Variants in DEDD2 observed in about 807,000 individuals in gnomAD.
The protein encoded by DEDD2 is DNA-binding death effector domain-containing protein 2.
In DEDD2, 18 loss-of-function variants were observed where a neutral mutation model predicts 28.9. The observed-to-expected ratio is 0.62, with a 90% CI of 0.43 to 0.92. DEDD2 has a LOEUF of 0.92. DEDD2 is among the 40% of genes least tolerant of loss of function. The pLI, the probability that DEDD2 is intolerant of heterozygous loss-of-function variation, is 0.00. For synonymous variants in DEDD2, 211 were observed against 206.1 expected (o/e 1.02, Z -0.20); for missense variants, 411 against 463.3 (o/e 0.89, Z 1.04).
rs1327096926 is a variant in DEDD2 at position 42,216,851 on chromosome 19, G to A, written c.157C>T (p.Pro53Ser). 11 of 1,591,472 alleles carry A rather than the reference G, an allele frequency of 6.9e-6. No homozygotes were observed. The highest frequency in any genetic ancestry group is 7.7e-6 in the Non-Finnish European group (9 of 1,169,498). ...ELLAFLLDEA[P>S]GAAGGLARAR... The stretch of plus-strand genomic sequence containing the variant: ...CGGGCTAAGCCTCCGGCGGCGCCAG[G>A]AGCCTCATCCAGCAGAAAGGCCAGG... Residue 53 changes from proline (P) to serine (S), a missense_variant, in exon 2 of 5, where the codon CCT (proline) becomes TCT (serine). Pro to Ser is a moderately conservative substitution (Grantham distance 74, BLOSUM62 -1). Around this residue, in one of 2 missense-constraint regions of DEDD2, gnomAD observed 282 missense variants for 273.4 expected, o/e 1.03. Transcript: ENST00000596251.
At chr19:42,204,714 T>C (rs2035460000) in intron 4 of DEDD2, among the ~76,000 whole-genome samples, 1 of 152,184 alleles carries the variant, frequency 6.6e-6, no homozygotes, top group South Asian at 2.1e-4. Flanking sequence ...CCGGCCTTGC[T>C]GGAGAGAGGC....
At chr19:42,212,181 C>G (rs1338372667) in intron 3 of DEDD2, among the ~76,000 whole-genome samples, 1 of 151,830 alleles carries the variant, frequency 6.6e-6, no homozygotes, top group Non-Finnish European at 1.5e-5. Context: ...GCCTGGCCAA[C>G]ATGGTGAAAC....
At chr19:42,212,461 G>A (rs1348069203) in intron 3 of DEDD2, among the ~76,000 whole-genome samples, 3 of 151,460 alleles carry the variant, frequency 2.0e-5, no homozygotes, top group Non-Finnish European at 2.9e-5. Context: ...CACCACACCC[G>A]GCTCGTTTTT....
chr19:42,216,656 T>G, intron 2 of DEDD2, 24 bp downstream of exon 2: 1 of 1,533,076 alleles, frequency 6.5e-7, no homozygotes, highest in Non-Finnish European at 8.7e-7. Context: ...CCAGGAAGTG[T>G]GACACCCTCC....
At chr19:42,211,157 C>A (rs1013463463) in intron 3 of DEDD2, among the ~76,000 whole-genome samples, 2 of 151,714 alleles carry the variant, frequency 1.3e-5, no homozygotes, top group African/African-American at 2.4e-5. Context: ...TCCCAGCCTA[C>A]GCCCTAGGAG....
chr19:42,200,133 CA>C (rs2146846541), intron 4 of DEDD2, among the ~76,000 whole-genome samples: 1 of 152,320 alleles, frequency 6.6e-6, no homozygotes, highest in East Asian at 1.9e-4. Flanking sequence ...ACCTTGCCAA[CA>C]AGGCCCACCT....
In DEDD2 at chr19:42,199,219, T is replaced by G; in HGVS notation, c.*219A>C. 1 of 691,032 alleles carries G rather than the reference T, an allele frequency of 1.4e-6. No individual in the cohort carries two copies. Among genetic ancestry groups the G allele is most frequent in the Non-Finnish European group, 2.3e-6 (1 of 433,394 alleles). The allele number at this position is 691,032 out of a possible 1,614,324, so 42.8% of individuals were successfully genotyped here. The stretch of plus-strand genomic sequence containing the variant: ...CCTCCGGAGGCTAAGGGGGCACACC[T>G]GGGGGTAGGAGGAGTCTGGGAAGGA... On this transcript the variant is annotated 3_prime_UTR_variant, in exon 5 of 5. Transcript: ENST00000596251. The surrounding 1 kb of genome is among the most constrained non-coding windows in gnomAD (Gnocchi z 7.4).
Position 42,199,660 on chromosome 19 carries a change from G to C in DEDD2, c.759C>G (p.Phe253Leu). The C allele has an allele frequency of 6.2e-7, 1 of 1,614,142 alleles. No homozygotes were observed. Among genetic ancestry groups the C allele is most frequent in the Non-Finnish European group, 8.5e-7 (1 of 1,179,982 alleles). ...DLGSVVCDIK[F>L]SELSYLDAFW... ...AGGCGTCCAGATAGGAGAGCTCTGA[G>C]AACTTGATGTCACAAACCACAGAGC... Residue 253 changes from phenylalanine (F) to leucine (L), a missense_variant, in exon 5 of 5, where the codon TTC (phenylalanine) becomes TTG (leucine). Phe to Leu is a conservative substitution (Grantham distance 22, BLOSUM62 0). Transcript: ENST00000596251. This position sits in a 1 kb window ranked among gnomAD's most constrained non-coding sequence, Gnocchi z 7.4.
At chr19:42,200,969 C>T (rs1277385988) in intron 4 of DEDD2, among the ~76,000 whole-genome samples, 10 of 152,210 alleles carry the variant, frequency 6.6e-5, no homozygotes, top group Admixed American at 5.9e-4. Flanking sequence ...CCTCTCTCTA[C>T]ACACCCAACG....
rs139628956 is a variant in DEDD2, at chr19:42,202,649, G to A, written c.590-2820C>T. 1.6e-4 allele frequency among the ~76,000 whole-genome samples: 24 copies of A among 152,266 alleles called. No individual in the cohort carries two copies. The East Asian group carries it at 4.4e-3, about 28-fold the overall frequency. ...ACAAGAACCTTGCCACAAGTGGGAC[G>A]GGGAGACATGTAACCCACAGTTAGG... On this transcript the variant is annotated intron_variant, in intron 4 of 4. Coordinates refer to ENST00000596251, the MANE Select transcript of DEDD2 (RefSeq NM_133328.4).
chr19:42,209,835 G>T lies in DEDD2; in HGVS notation c.454C>A (p.Pro152Thr). 1 of 1,524,142 alleles carries T rather than the reference G, an allele frequency of 6.6e-7. No homozygotes were observed. The highest frequency in any genetic ancestry group is 1.2e-5 in the South Asian group (1 of 80,892). 94.4% of individuals were successfully genotyped at this position (1,524,142 alleles called of 1,614,324 possible). ...SQQGQWETGS[P>T]PTKRQRRSRG... ...CTCCGCCGCTGCCGCTTGGTTGGGGGGGAGCCTGAGGGGAAAAAAATGGGG... is the reference window on the plus strand; with the variant it reads ...CTCCGCCGCTGCCGCTTGGTTGGGGTGGAGCCTGAGGGGAAAAAAATGGGG... The change falls in exon 4 of 5, where the codon CCC (proline) becomes ACC (threonine). Residue 152 changes from proline (P) to threonine (T), a missense_variant. This residue lies in a region of DEDD2 where 282 missense variants were observed against 273.4 expected (regional missense o/e 1.03). Transcript: ENST00000596251.
intron 3 of DEDD2, among the ~76,000 whole-genome samples, chr19:42,211,412 G>A (rs1189597655): frequency 7.7e-6 from 1 of 130,156 alleles, no homozygotes; most frequent in Non-Finnish European, 1.6e-5. Context: ...AGGAAGGAAG[G>A]AAGGGAGAGA....
chr19:42,218,116 G>C (rs1471262957), upstream of DEDD2, among the ~76,000 whole-genome samples: 1 of 151,862 alleles, frequency 6.6e-6, no homozygotes, highest in African/African-American at 2.4e-5. Context: ...TAAACTCCCA[G>C]GCCTTATATG....
chr19:42,210,375 G>T (rs1020101382), intron 3 of DEDD2, among the ~76,000 whole-genome samples: 10 of 152,244 alleles, frequency 6.6e-5, no homozygotes, highest in African/African-American at 2.4e-4. Flanking sequence ...CAGTAGAAAT[G>T]ACATGTCTAA....
intron 3 of DEDD2, 89 bp from the exon 4 acceptor site, chr19:42,209,929 C>T (rs1053941047): frequency 2.7e-5 from 38 of 1,427,478 alleles, no homozygotes; most frequent in African/African-American, 1.2e-4. Flanking sequence ...AAGGTGTTCT[C>T]GGTGCTGAGA....
At chr19:42,212,285 A>G (rs1053173290) in intron 3 of DEDD2, among the ~76,000 whole-genome samples, 14 of 151,246 alleles carry the variant, frequency 9.3e-5, no homozygotes, top group African/African-American at 3.4e-4. Context: ...AGGATCACTT[A>G]AACCTGGGAG....
Position 42,216,947 on chromosome 19 carries a change from A to T in DEDD2, c.61T>A (p.Tyr21Asn). The change falls in exon 2 of 5, where the codon TAC becomes AAC. Residue 21 changes from tyrosine to asparagine, a missense_variant. Physicochemically the swap from Tyr to Asn is moderately radical, Grantham distance 143 (BLOSUM62 -2). Coordinates refer to ENST00000596251, the MANE Select transcript of DEDD2 (RefSeq NM_133328.4). ...CWEEDECLDY[Y>N]GMLSLHRMFE... ...ATACGGTGAAGCGACAGCATCCCGT[A>T]GTAGTCCAGGCACTCATCCTCCTCC... The T allele has an allele frequency of 6.2e-7, 1 of 1,602,756 alleles. No individual in the cohort carries two copies. Among genetic ancestry groups the T allele is most frequent in the Non-Finnish European group, 8.5e-7 (1 of 1,175,156 alleles).
chr19:42,202,159 C>A (rs896947178), intron 4 of DEDD2: 3 of 398,428 alleles, frequency 7.5e-6, no homozygotes, highest in Non-Finnish European at 1.3e-5. Context: ...TTGCTTACAG[C>A]CCTACGACAA....
At chr19:42,201,975 G>A (rs1231792915) in intron 4 of DEDD2, 22 of 398,672 alleles carry the variant, frequency 5.5e-5, no homozygotes, top group Non-Finnish European at 7.5e-5. Context: ...GCCAGGTGGC[G>A]GAGTCCAACA....
Sources: allele counts gnomAD v4.1 joint callset (sites outside exome capture counted in the v4.1 genomes callset), GRCh38; gene constraint gnomAD v4.1.1; regional missense constraint gnomAD v4.1.1; non-coding constraint Gnocchi (gnomAD v3.1); transcripts MANE v1.5; gene names NCBI Gene and HGNC (gene_info 2026-07-23, HGNC 2026-07-21).